Variants in LARS2 observed in about 807,000 individuals in gnomAD.
LARS2 encodes leucine--tRNA ligase, mitochondrial.
A neutral mutation model predicts 116.6 loss-of-function variants in LARS2; 81 were observed. The observed-to-expected ratio is 0.69, with a 90% CI of 0.58 to 0.84. The LOEUF is 0.84. Among genes scored for constraint, LARS2 ranks in the 40% least tolerant of loss-of-function variants. LARS2 has a pLI of 0.00. For synonymous variants in LARS2, 396 were observed against 407.2 expected, an observed-to-expected ratio of 0.97 and a Z score of 0.33; for missense variants, 968 against 1,114.5, an observed-to-expected ratio of 0.87 and a Z score of 1.87.
intron 20 of LARS2, among the ~76,000 whole-genome samples, chr3:45,537,583 A>T (rs1467157750): frequency 6.6e-6 from 1 of 152,198 alleles, no homozygotes; most frequent in African/African-American, 2.4e-5. Context: ...CAATGAAATT[A>T]TTTCTCTGTG....
intron 3 of LARS2, among the ~76,000 whole-genome samples, chr3:45,395,528 G>A (rs1698029772): frequency 6.6e-6 from 1 of 152,240 alleles, no homozygotes; most frequent in Admixed American, 6.5e-5. Context: ...TACATGAAAT[G>A]TTTGAATCTG....
rs533461529 is a variant in LARS2, at chr3:45,503,060, T to C, written c.1760+2481T>C. ...GACCTTATATTTCTTGAACCCTTTT[T>C]TTTTTGTAGGAACTCTTTGGAACCT... On this transcript the variant is annotated intron_variant, in intron 15 of 21. Transcript: ENST00000645846. 5.9e-5 allele frequency among the ~76,000 whole-genome samples: 9 copies of C among 152,028 alleles called. No homozygotes were observed. In the South Asian group the frequency reaches 1.9e-3, roughly 32 times the overall value.
rs201265108 is a variant in LARS2, at chr3:45,491,510, C to T, written c.1240-7C>T. On this transcript the variant is annotated splice_polypyrimidine_tract_variant and splice_region_variant and intron_variant, in intron 12 of 21. Coordinates refer to ENST00000645846, the MANE Select transcript of LARS2 (RefSeq NM_015340.4). ...GAGGAGTGAGCTTTCTTTTCTTTCCCTGTCAGTTCACAGGTATGACCCGGC... is the reference window on the plus strand; with the variant it reads ...GAGGAGTGAGCTTTCTTTTCTTTCCTTGTCAGTTCACAGGTATGACCCGGC... 88 of 1,612,546 alleles carry T rather than the reference C, an allele frequency of 5.5e-5. No homozygotes were observed. The highest frequency in any genetic ancestry group is 7.1e-5 in the Non-Finnish European group (84 of 1,178,742).
rs769447895 is a variant in LARS2 at position 45,491,734 on chromosome 3, C to T, written c.1457C>T (p.Ser486Phe). 3.7e-6 allele frequency: 6 copies of T among 1,613,834 alleles called. No individual in the cohort carries two copies. The South Asian group carries it at 4.4e-5, about 12-fold the overall frequency. The change falls in exon 13 of 22, where the codon TCT becomes TTT. Residue 486 changes from serine (S) to phenylalanine (F), a missense_variant. By Grantham distance (155) the Ser-to-Phe change is radical. Transcript: ENST00000645846. ...DLPVTLPNIA[S>F]FTGKGGPPLA... ...CCTGTGACCCTGCCCAACATCGCGT[C>T]TTTCACTGGCAAGGGAGGCCCCCCA...
intron 6 of LARS2, among the ~76,000 whole-genome samples, chr3:45,428,383 A>G (rs780076991): frequency 2.0e-5 from 3 of 151,552 alleles, no homozygotes; most frequent in Admixed American, 6.6e-5. Context: ...AGCTGGGACT[A>G]CAGATGCCTG....
intron 7 of LARS2, 24 bp downstream of exon 7, chr3:45,447,004 T>C (rs764453828): frequency 1.5e-6 from 2 of 1,363,290 alleles, no homozygotes; most frequent in Admixed American, 1.8e-5. Flanking sequence ...AGCTGGACTT[T>C]TAAAATTCAG....
chr3:45,466,097 T>C (rs575425935), intron 8 of LARS2, among the ~76,000 whole-genome samples: 20 of 152,352 alleles, frequency 1.3e-4, no homozygotes, highest in Non-Finnish European at 2.2e-4. Context: ...TCTTATGGTA[T>C]ATGGACAATG....
chr3:45,529,784 G>A (rs563392672), intron 20 of LARS2, among the ~76,000 whole-genome samples: 1 of 152,298 alleles, frequency 6.6e-6, no homozygotes, highest in East Asian at 1.9e-4. Context: ...CAATCCCTTT[G>A]TGATAAACCC....
chr3:45,531,853 C>G (rs1260974561), intron 20 of LARS2, among the ~76,000 whole-genome samples: 1 of 152,356 alleles, frequency 6.6e-6, no homozygotes, highest in East Asian at 1.9e-4. Flanking sequence ...AATCTACTCT[C>G]TTAGCAATTT....
At chr3:45,422,267 T>A (rs2125689387) in intron 6 of LARS2, 1 of 152,336 alleles carries the variant, frequency 6.6e-6, no homozygotes, top group African/African-American at 2.4e-5. Context: ...GGTATGTATG[T>A]GAATGGTCTA....
intron 2 of LARS2, 102 bp from the exon 3 acceptor site, chr3:45,394,331 A>G: frequency 1.6e-6 from 1 of 634,746 alleles, no homozygotes; most frequent in Non-Finnish European, 2.8e-6. Context: ...TAAAAGTAAG[A>G]GGAAAGCACA....
chr3:45,502,235 A>G (rs1159504626), intron 15 of LARS2, among the ~76,000 whole-genome samples: 3 of 151,830 alleles, frequency 2.0e-5, no homozygotes, highest in Non-Finnish European at 4.4e-5. Context: ...TATTTTTTCT[A>G]GATCGTTTCT....
intron 6 of LARS2, among the ~76,000 whole-genome samples, chr3:45,439,932 G>A (rs1407935722): frequency 6.6e-6 from 1 of 152,214 alleles, no homozygotes; most frequent in African/African-American, 2.4e-5. Flanking sequence ...CTTTGCAGTG[G>A]TTTTCAACAC....
chr3:45,394,557 G>C lies in LARS2; in HGVS notation c.104G>C (p.Gly35Ala). The change falls in exon 3 of 22, where the codon GGA becomes GCA. Residue 35 changes from glycine to alanine, a missense_variant. Physicochemically the swap from Gly to Ala is moderately conservative, Grantham distance 60. Coordinates refer to ENST00000645846, the MANE Select transcript of LARS2 (RefSeq NM_015340.4). ...AAGTGGGAAAGGAGAGTAATTCCCG[G>C]ATGTACCAGAAGCATCTACAGTGCC... is the stretch of plus-strand genomic sequence containing the variant. ...VIKWERRVIP[G>A]CTRSIYSATG... 1 of 1,613,960 alleles carries C rather than the reference G, an allele frequency of 6.2e-7. No homozygotes were observed. The highest frequency in any genetic ancestry group is 8.5e-7 in the Non-Finnish European group (1 of 1,179,824).
chr3:45,531,198 A>G (rs1218203705), intron 20 of LARS2, among the ~76,000 whole-genome samples: 4 of 152,124 alleles, frequency 2.6e-5, no homozygotes, highest in Non-Finnish European at 5.9e-5. Context: ...AAAGGTTAAT[A>G]CCATGGAAAT....
intron 6 of LARS2, chr3:45,421,028 T>C (rs572766547): frequency 4.2e-4 from 64 of 152,248 alleles, no homozygotes; most frequent in Admixed American, 3.0e-3. Flanking sequence ...TTGTCTTGAA[T>C]ATTTTTATAT....
intron 6 of LARS2, among the ~76,000 whole-genome samples, chr3:45,428,342 C>T (rs1210965089): frequency 2.1e-5 from 3 of 144,974 alleles, no homozygotes; most frequent in Admixed American, 7.4e-5. Flanking sequence ...CTCCTAGGCT[C>T]ACGCCATTCT....
chr3:45,468,573 A>G (rs1164255743), intron 8 of LARS2, among the ~76,000 whole-genome samples: 2 of 152,130 alleles, frequency 1.3e-5, no homozygotes, highest in Non-Finnish European at 2.9e-5. Flanking sequence ...TGTCATTAGG[A>G]GAGTTTGGCC....
At position 45,496,287 on chromosome 3, in the gene LARS2, A is replaced by G. The variant is rs201800630; in HGVS notation, c.1536A>G (p.Ala512=). The G allele has an allele frequency of 2.4e-5, 38 of 1,613,492 alleles. No individual in the cohort carries two copies. In the Middle Eastern group the frequency reaches 1.2e-3, roughly 49 times the overall value. ...ATTTCTTTCTTAGGTGCAAGGGAGC[A>G]GCCAAGAGAGAGACAGACACGATGG... The part of the protein sequence containing the change: ...VNCSCPRCKG[A]AKRETDTMDT... The change falls in exon 14 of 22, where the codon GCA becomes GCG. Residue 512 remains alanine, a synonymous_variant. Coordinates refer to ENST00000645846, the MANE Select transcript of LARS2 (RefSeq NM_015340.4).
Sources: allele counts gnomAD v4.1 joint callset (sites outside exome capture counted in the v4.1 genomes callset), GRCh38; gene constraint gnomAD v4.1.1; transcripts MANE v1.5; gene names NCBI Gene and HGNC (gene_info 2026-07-23, HGNC 2026-07-21).